Variants in ANO2 observed in about 807,000 individuals in gnomAD.
ANO2 encodes anoctamin-2.
A neutral mutation model predicts 124.2 loss-of-function variants in ANO2; 101 were observed. That is an observed-to-expected ratio of 0.81 (90% CI 0.69 to 0.96). The LOEUF is 0.96. Among genes scored for constraint, ANO2 ranks in the 40% least tolerant of loss-of-function variants. ANO2 has a pLI of 0.00. For missense variants in ANO2, 1,293 were observed against 1,274.5 expected (o/e 1.01, Z -0.22); for synonymous variants, 486 against 482.5 (o/e 1.01, Z -0.09).
rs1424997035 is a variant in ANO2 at position 5,779,681 on chromosome 12, CAT to C, written c.1055+19824_1055+19825del. ...AGAGCTAACATCACCAAAAAAGAGA[CAT>C]AGCAACGGCACGCACCTCCTCTCAG... On this transcript the variant is annotated intron_variant, in intron 10 of 24. Coordinates refer to ENST00000682330, the MANE Select transcript of ANO2 (RefSeq NM_001364791.2). Among the ~76,000 whole-genome samples the C allele has an allele frequency of 9.8e-5, 15 of 152,320 alleles. No individual in the cohort carries two copies. The South Asian group carries it at 2.7e-3, about 27-fold the overall frequency.
chr12:5,589,731 G>A lies in ANO2; in HGVS notation c.2233+9753C>T, dbSNP rs925885966. 5.3e-5 allele frequency among the ~76,000 whole-genome samples: 8 copies of A among 152,262 alleles called. No individual in the cohort carries two copies. The South Asian group carries it at 1.5e-3, about 28-fold the overall frequency. On this transcript the variant is annotated intron_variant, in intron 20 of 24. Transcript: ENST00000682330. The stretch of plus-strand genomic sequence containing the variant: ...GGAGGTGGTAAGGAGCAGGTGACAC[G>A]AGAGGTGGCTTTGGATGCACGCATG...
chr12:5,744,407 A>G, intron 11 of ANO2, 90 bp from the exon 12 acceptor site: 2 of 1,452,116 alleles, frequency 1.4e-6, no homozygotes. Context: ...CCCATTTCCA[A>G]ATCTATGGTT....
upstream of ANO2, chr12:5,945,301 C>A: frequency 9.0e-7 from 1 of 1,115,664 alleles, no homozygotes; most frequent in Non-Finnish European, 1.1e-6. Flanking sequence ...CATCGCGGCT[C>A]AGCTCCGTCC....
chr12:5,590,223 G>T (rs574384010), intron 20 of ANO2, among the ~76,000 whole-genome samples: 5 of 150,902 alleles, frequency 3.3e-5, no homozygotes, highest in Non-Finnish European at 5.9e-5. Flanking sequence ...ATTTTTTTTT[G>T]CTCATCAGCT....
At chr12:5,923,902 G>C (rs1035637231) in intron 1 of ANO2, among the ~76,000 whole-genome samples, 1 of 152,158 alleles carries the variant, frequency 6.6e-6, no homozygotes, top group Non-Finnish European at 1.5e-5. Flanking sequence ...CCACTTGCCA[G>C]CTCTAAGACC....
intron 10 of ANO2, among the ~76,000 whole-genome samples, chr12:5,754,292 T>C (rs1049590934): frequency 7.9e-5 from 12 of 152,204 alleles, no homozygotes; most frequent in African/African-American, 2.7e-4. Context: ...TGTCTGATCC[T>C]TTTAAAGTGC....
rs1940529471 is a variant in ANO2 at position 5,904,362 on chromosome 12, G to A, written c.534+16678C>T. 6.6e-6 allele frequency among the ~76,000 whole-genome samples: 1 copy of A among 152,218 alleles called. No homozygotes were observed. The highest frequency in any genetic ancestry group is 2.1e-4 in the South Asian group (1 of 4,830). On this transcript the variant is annotated intron_variant, in intron 3 of 24. Transcript: ENST00000682330. This position sits in a 1 kb window ranked among gnomAD's most constrained non-coding sequence, Gnocchi z 4.1. ...AGAAAAATGCAGCTGCCGCAAAGCA[G>A]GGTTACACTGAAGGGTCTGAATGAG... is the stretch of plus-strand genomic sequence containing the variant.
At chr12:5,632,058 G>A (rs1015633909) in intron 16 of ANO2, among the ~76,000 whole-genome samples, 4 of 152,060 alleles carry the variant, frequency 2.6e-5, no homozygotes, top group African/African-American at 9.7e-5. Context: ...GAAGAAGGAA[G>A]GATCAGGAAA....
intron 16 of ANO2, among the ~76,000 whole-genome samples, chr12:5,634,743 G>A (rs1011424348): frequency 6.6e-6 from 1 of 152,202 alleles, no homozygotes; most frequent in African/African-American, 2.4e-5. Flanking sequence ...TTGGGCTCAA[G>A]TGTCAAAAGG....
intron 3 of ANO2, chr12:5,881,915 A>G (rs1938526529): frequency 6.6e-6 from 1 of 152,220 alleles, no homozygotes; most frequent in Non-Finnish European, 1.5e-5. Context: ...TCCTGGACTG[A>G]TCCTACTGGC....
intron 15 of ANO2, among the ~76,000 whole-genome samples, chr12:5,640,064 A>G (rs1197860121): frequency 2.0e-5 from 3 of 152,202 alleles, no homozygotes; most frequent in Admixed American, 6.5e-5. Context: ...ACTTTAGCTG[A>G]ACACACAGGA....
chr12:5,621,901 G>A (rs1233084313), intron 16 of ANO2, among the ~76,000 whole-genome samples: 2 of 151,984 alleles, frequency 1.3e-5, no homozygotes, highest in African/African-American at 4.8e-5. Context: ...AAGAAAGGGA[G>A]AACTTTTCAA....
At chr12:5,797,818 G>A (rs146805634) in intron 10 of ANO2, among the ~76,000 whole-genome samples, 7 of 152,198 alleles carry the variant, frequency 4.6e-5, no homozygotes, top group East Asian at 1.9e-4. Context: ...GACAGCCTCC[G>A]GCCCTGCTCC....
chr12:5,649,327 C>A (rs1451506075), intron 14 of ANO2, among the ~76,000 whole-genome samples: 1 of 152,168 alleles, frequency 6.6e-6, no homozygotes, highest in African/African-American at 2.4e-5. Flanking sequence ...ATTATGTAAA[C>A]AAGCAATAGA....
intron 13 of ANO2, among the ~76,000 whole-genome samples, chr12:5,737,060 C>T (rs1950898731): frequency 6.6e-6 from 1 of 152,212 alleles, no homozygotes; most frequent in Admixed American, 6.5e-5. Context: ...ATTCCATATT[C>T]CATACAAAAA....
intron 3 of ANO2, among the ~76,000 whole-genome samples, chr12:5,856,046 C>T (rs186311405): frequency 3.3e-5 from 5 of 152,302 alleles, no homozygotes; most frequent in Admixed American, 3.3e-4. Flanking sequence ...TAGATAGAAT[C>T]ATCAATCACT....
intron 23 of ANO2, among the ~76,000 whole-genome samples, chr12:5,566,310 G>C (rs906140703): frequency 6.6e-6 from 1 of 152,166 alleles, no homozygotes; most frequent in Non-Finnish European, 1.5e-5. Context: ...CTGTCTGCAT[G>C]GTTTAAACTA....
chr12:5,827,741 C>T, intron 7 of ANO2, 28 bp downstream of exon 7: 1 of 1,602,182 alleles, frequency 6.2e-7, no homozygotes, highest in Non-Finnish European at 8.5e-7. Flanking sequence ...CGCCCGTCAG[C>T]ACCCTGCCCG....
intron 10 of ANO2, among the ~76,000 whole-genome samples, chr12:5,792,379 C>T (rs148937964): frequency 0.023 from 3,522 of 152,266 alleles, 63 homozygotes; most frequent in Non-Finnish European, 0.031. Context: ...TTTATAAAGA[C>T]GCCTCTCCAA....
Sources: gnomAD v4.1 joint callset for allele counts (sites outside exome capture counted in the v4.1 genomes callset) on GRCh38, gnomAD v4.1.1 for gene constraint, Gnocchi (gnomAD v3.1) non-coding constraint, MANE v1.5 for transcripts, NCBI Gene and HGNC (gene_info 2026-07-23, HGNC 2026-07-21) for gene names.